PPIE: variants seen among roughly 807,000 people sequenced by gnomAD.
The protein encoded by PPIE is peptidyl-prolyl cis-trans isomerase E.
Under a neutral mutation model 38.4 loss-of-function variants are expected in PPIE, and 20 were observed. That is an observed-to-expected ratio of 0.52 (90% CI 0.37 to 0.76). The LOEUF (loss-of-function observed/expected upper bound fraction) is 0.76, where lower values mean the gene tolerates loss of function less well. Ranked by LOEUF, PPIE falls within the 30% of genes least tolerant of loss-of-function variation. The pLI is 0.00. For missense variants in PPIE, 322 were observed against 385.8 expected (o/e 0.83, Z 1.39); for synonymous variants, 142 against 135.7 (o/e 1.05, Z -0.32).
intron 3 of PPIE, 166 bp from the exon 4 acceptor site, chr1:39,741,729 G>C (rs1289916653): frequency 4.2e-6 from 3 of 713,658 alleles, no homozygotes; most frequent in Admixed American, 5.6e-5. Flanking sequence ...TGCACCACCA[G>C]CTCTAAAATC....
rs957915880 is a variant in PPIE, at chr1:39,755,601, C to T, written c.*2246C>T. 7.1e-6 allele frequency: 7 copies of T among 985,264 alleles called. No individual in the cohort carries two copies. Among genetic ancestry groups the T allele is most frequent in the South Asian group, 4.7e-5 (1 of 21,294 alleles). 61.0% of individuals were successfully genotyped at this position (985,264 alleles called of 1,614,324 possible). On this transcript the variant is annotated 3_prime_UTR_variant, in exon 10 of 10. Transcript: ENST00000324379. ...GATAGCACTGACTTCAGTGCTTGGA[C>T]GAGAACCAGGAGAGAGTGTGTAGAA...
intron 9 of PPIE, among the ~76,000 whole-genome samples, chr1:39,762,858 G>A (rs988531186): frequency 5.9e-5 from 9 of 152,260 alleles, no homozygotes; most frequent in Admixed American, 2.6e-4. Flanking sequence ...ACAGGCATGT[G>A]TACACGACTG....
chr1:39,762,717 G>A, intron 9 of PPIE: 1 of 1,447,676 alleles, frequency 6.9e-7, no homozygotes, highest in East Asian at 2.5e-5. Context: ...AGACTTGCCA[G>A]CGTACTCGGC....
At chr1:39,758,155 T>C (rs997032311), downstream of PPIE, 2 of 152,210 alleles carry the variant, frequency 1.3e-5, no homozygotes, top group African/African-American at 4.8e-5. Flanking sequence ...TAATTTAAAA[T>C]TTACAATTGC....
chr1:39,745,300 G>T, intron 6 of PPIE, 75 bp from the exon 7 acceptor site: 1 of 1,585,392 alleles, frequency 6.3e-7, no homozygotes, highest in South Asian at 1.1e-5. Context: ...GTTCTGGGTG[G>T]GTGTGTAGAA....
chr1:39,752,694 A>G (rs1325279672), intron 8 of PPIE, among the ~76,000 whole-genome samples: 1 of 152,260 alleles, frequency 6.6e-6, no homozygotes, highest in Admixed American at 6.5e-5. Flanking sequence ...AAATGAATTA[A>G]TGAAAGAACA....
chr1:39,749,400 A>G (rs889429854), intron 8 of PPIE, among the ~76,000 whole-genome samples: 4 of 152,076 alleles, frequency 2.6e-5, no homozygotes, highest in Non-Finnish European at 5.9e-5. Context: ...TTACTCAGTA[A>G]AATCTCGGTG....
At position 39,740,200 on chromosome 1, in the gene PPIE, C is replaced by A. The variant is rs1282441068; in HGVS notation, c.67C>A (p.His23Asn). 1 of 1,614,094 alleles carries A rather than the reference C, an allele frequency of 6.2e-7. No homozygotes were observed. ...AGAGGAAGTGGACGACAAAGTTCTT[C>A]ATGCTGCGTTCATTCCTTTTGGAGA... ...LAEEVDDKVLHAAFIPFGDIT... is the reference protein window; with the variant it reads ...LAEEVDDKVLNAAFIPFGDIT... The change falls in exon 2 of 10, where the codon CAT (histidine) becomes AAT (asparagine). Residue 23 changes from histidine to asparagine, a missense_variant. Transcript: ENST00000324379.
chr1:39,755,547 G>A lies in PPIE; in HGVS notation c.*2192G>A. 2 of 985,450 alleles carry A rather than the reference G, an allele frequency of 2.0e-6. No homozygotes were observed. The highest frequency in any genetic ancestry group is 2.4e-6 in the Non-Finnish European group (2 of 829,932). 61.0% of individuals were successfully genotyped at this position (985,450 alleles called of 1,614,324 possible). ...TGGCCATCAGAGGTCAGTCACAGGT[G>A]TTAGGCAGGCATCTATGAAGCTGGG... On this transcript the variant is annotated 3_prime_UTR_variant, in exon 10 of 10. Coordinates refer to ENST00000324379, the MANE Select transcript of PPIE (RefSeq NM_006112.4).
downstream of PPIE, among the ~76,000 whole-genome samples, chr1:39,761,003 C>T (rs1648887208): frequency 6.6e-6 from 1 of 152,076 alleles, no homozygotes; most frequent in Non-Finnish European, 1.5e-5. Flanking sequence ...GGCCTCCCTC[C>T]CCAGTCTCTG....
intron 1 of PPIE, 194 bp from the exon 2 acceptor site, chr1:39,739,969 TGA>T (rs1357475336): frequency 1.9e-6 from 1 of 535,522 alleles, no homozygotes; most frequent in Non-Finnish European, 3.3e-6. Flanking sequence ...CAGGACTAGA[TGA>T]GAGTCTGAAA....
intron 9 of PPIE, chr1:39,762,746 A>T: frequency 3.6e-6 from 5 of 1,390,652 alleles, no homozygotes; most frequent in Non-Finnish European, 4.8e-6. Flanking sequence ...TGCTAAGATC[A>T]CACAGCCCCC....
At chr1:39,760,555 ATCATC>A, downstream of PPIE, 3 of 1,613,834 alleles carry the variant, frequency 1.9e-6, no homozygotes, top group Non-Finnish European at 2.5e-6. Flanking sequence ...TGCGTCTGGC[ATCATC>A]AGGTGCACCT....
intron 1 of PPIE, 70 bp from the exon 2 acceptor site, chr1:39,740,095 A>T: frequency 8.1e-7 from 1 of 1,237,554 alleles, no homozygotes; most frequent in Non-Finnish European, 1.2e-6. Flanking sequence ...CTAGCATGCT[A>T]ACTGGGCTGC....
chr1:39,740,151 T>A lies in PPIE; in HGVS notation c.32-14T>A, dbSNP rs764311413. 3.7e-6 allele frequency: 6 copies of A among 1,611,968 alleles called. No homozygotes were observed. In the Admixed American group the frequency reaches 1.0e-4, roughly 27 times the overall value. ...GGAGATCAGTGGCTCAGAAGGCCCTTGGCTTATTTGCAGGTGGACTGGCAG... is the reference window on the plus strand; with the variant it reads ...GGAGATCAGTGGCTCAGAAGGCCCTAGGCTTATTTGCAGGTGGACTGGCAG... On this transcript the variant is annotated splice_polypyrimidine_tract_variant and intron_variant, in intron 1 of 9. Coordinates refer to ENST00000324379, the MANE Select transcript of PPIE (RefSeq NM_006112.4).
In PPIE at chr1:39,753,295, C is replaced by T. The variant is rs761568811; in HGVS notation, c.846C>T (p.Gly282=). The change falls in exon 10 of 10, where the codon GGC becomes GGT. Residue 282 remains glycine, a synonymous_variant. Coordinates refer to ENST00000324379, the MANE Select transcript of PPIE (RefSeq NM_006112.4). ...LDVLRQIEAQ[G]SKDGKPKQKV... ...TCTATTCTGCCACAAAGGCCCAGGG[C>T]AGCAAGGACGGGAAGCCAAAGCAGA... 1.2e-6 allele frequency: 2 copies of T among 1,614,160 alleles called. No individual in the cohort carries two copies. Among genetic ancestry groups the T allele is most frequent in the South Asian group, 2.2e-5 (2 of 91,076 alleles).
At position 39,754,603 on chromosome 1, in the gene PPIE, A is replaced by G. The variant is rs145237758; in HGVS notation, c.*1248A>G. Among the ~76,000 whole-genome samples, 349 of 152,246 alleles carry G rather than the reference A, an allele frequency of 2.3e-3. 3 individuals are homozygous for G. The highest frequency in any genetic ancestry group is 0.017 in the South Asian group (81 of 4,822). ...AGGCCAGGCATGGTGGCTCATGCCT[A>G]TAATTCCACCACTATTGGGAGGCTG... On this transcript the variant is annotated 3_prime_UTR_variant, in exon 10 of 10. Transcript: ENST00000324379.
Position 39,756,052 on chromosome 1 carries a change from C to T in PPIE, c.*2697C>T, listed in dbSNP as rs781257937. The T allele has an allele frequency of 3.0e-6, 3 of 985,418 alleles. No individual in the cohort carries two copies. Among genetic ancestry groups the T allele is most frequent in the Non-Finnish European group, 3.6e-6 (3 of 829,920 alleles). The allele number at this position is 985,418 out of a possible 1,614,324, so 61.0% of individuals were successfully genotyped here. A position where few individuals can be genotyped will look rare whatever the true frequency, so the allele number is the denominator to read the frequency against. On this transcript the variant is annotated 3_prime_UTR_variant, in exon 10 of 10. Transcript: ENST00000324379. ...GACCTGTGTGGAGAGACACAGGAGA[C>T]AAGACCCTGCTCTTCCAGGCCAGAA... is the stretch of plus-strand genomic sequence containing the variant.
chr1:39,753,901 T>C lies in PPIE; in HGVS notation c.*546T>C. ...TGTCAGGGCAACGGAAATTAAAGAC[T>C]GGAAAGCTCCGGTCTTCTGCTGCCT... is the stretch of plus-strand genomic sequence containing the variant. On this transcript the variant is annotated 3_prime_UTR_variant, in exon 10 of 10. Coordinates refer to ENST00000324379, the MANE Select transcript of PPIE (RefSeq NM_006112.4). The C allele has an allele frequency of 4.1e-6, 4 of 985,424 alleles. No homozygotes were observed. The highest frequency in any genetic ancestry group is 4.8e-6 in the Non-Finnish European group (4 of 829,922). The allele number at this position is 985,424 out of a possible 1,614,324, so 61.0% of individuals were successfully genotyped here.
Sources: gnomAD v4.1 joint callset for allele counts (sites outside exome capture counted in the v4.1 genomes callset) on GRCh38, gnomAD v4.1.1 for gene constraint, MANE v1.5 for transcripts, NCBI Gene and HGNC (gene_info 2026-07-23, HGNC 2026-07-21) for gene names.